Variants in SEC14L6 observed in about 807,000 individuals in gnomAD.
SEC14L6 encodes SEC14-like protein 6.
SEC14L6 carries 40 observed loss-of-function variants against 54.1 expected under a neutral mutation model. The observed-to-expected ratio is 0.74, with a 90% CI of 0.57 to 0.96. SEC14L6 has a LOEUF of 0.96. Among genes scored for constraint, SEC14L6 ranks in the 40% least tolerant of loss-of-function variants. The pLI, the probability that SEC14L6 is intolerant of heterozygous loss-of-function variation, is 0.00. For missense variants in SEC14L6, 471 were observed against 498.3 expected, an observed-to-expected ratio of 0.95 and a Z score of 0.52; for synonymous variants, 171 against 198.4, an observed-to-expected ratio of 0.86 and a Z score of 1.16.
At chr22:30,540,997 C>T (rs569767556) in intron 1 of SEC14L6, among the ~76,000 whole-genome samples, 210 of 144,172 alleles carry the variant, frequency 1.5e-3, no homozygotes, top group African/African-American at 4.8e-3. Context: ...CCAGCCTGGG[C>T]AACAGGGTGA....
At chr22:30,537,021 CAAA>C (rs11383409) in intron 2 of SEC14L6, among the ~76,000 whole-genome samples, 3 of 78,500 alleles carry the variant, frequency 3.8e-5, no homozygotes, top group Admixed American at 1.6e-4. Context: ...GACTCTGACT[CAAA>C]AAAAAAAAAA....
Position 30,534,025 on chromosome 22 carries a change from G to C in SEC14L6, c.145C>G (p.Leu49Val). The change falls in exon 3 of 12, where the codon CTG becomes GTG. Residue 49 changes from leucine to valine, a missense_variant. Coordinates refer to ENST00000402034, the MANE Select transcript of SEC14L6 (RefSeq NM_001193336.4). ...CTCAGCATGTCCTCTGATTTCTGCA[G>C]GTCAAAGCTCCGAGCTGCAACAAGA... is the stretch of plus-strand genomic sequence containing the variant. ...LRWLQARSFD[L>V]QKSEDMLRKH... 6.4e-7 allele frequency: 1 copy of C among 1,550,976 alleles called. No individual in the cohort carries two copies. Among genetic ancestry groups the C allele is most frequent in the East Asian group, 2.4e-5 (1 of 40,926 alleles).
chr22:30,540,773 C>A (rs1317963605), intron 1 of SEC14L6, among the ~76,000 whole-genome samples: 1 of 149,520 alleles, frequency 6.7e-6, no homozygotes, highest in African/African-American at 2.5e-5. Context: ...AATCCCAGAA[C>A]TTTGGGAGGC....
intron 2 of SEC14L6, among the ~76,000 whole-genome samples, chr22:30,537,388 G>A (rs1049414970): frequency 6.6e-6 from 1 of 152,230 alleles, no homozygotes; most frequent in African/African-American, 2.4e-5. Flanking sequence ...GCTGAGGGAG[G>A]TGGATTACTG....
intron 2 of SEC14L6, among the ~76,000 whole-genome samples, chr22:30,536,831 C>A (rs2085607048): frequency 6.6e-6 from 1 of 151,736 alleles, no homozygotes; most frequent in Non-Finnish European, 1.5e-5. Flanking sequence ...TCGAGACCAG[C>A]CTCGCTAACA....
intron 1 of SEC14L6, 108 bp downstream of exon 1, chr22:30,546,521 G>A (rs2146309929): frequency 9.9e-7 from 1 of 1,014,562 alleles, no homozygotes; most frequent in Non-Finnish European, 1.5e-6. Flanking sequence ...GTTGGGAAGA[G>A]ACCCAGAGCT....
At chr22:30,543,899 C>A (rs1221742954) in intron 1 of SEC14L6, 1 of 1,591,960 alleles carries the variant, frequency 6.3e-7, no homozygotes, top group African/African-American at 1.3e-5. Context: ...GCTCCCCGGG[C>A]CGCGGAGCCC....
chr22:30,530,004 A>G (rs963000091), intron 6 of SEC14L6, among the ~76,000 whole-genome samples: 1 of 152,254 alleles, frequency 6.6e-6, no homozygotes, highest in African/African-American at 2.4e-5. Context: ...CTTGCCAAGA[A>G]TAAGTCTACA....
Position 30,528,311 on chromosome 22 carries a change from C to T in SEC14L6, c.664+776G>A, listed in dbSNP as rs143512640. 8.1e-3 allele frequency among the ~76,000 whole-genome samples: 1,232 copies of T among 151,280 alleles called. 31 individuals are homozygous for T. In the East Asian group the frequency reaches 0.09, roughly 11 times the overall value. ...TAATTTTTTTTATTTTTAGTAGAGA[C>T]GGGGTTTCACCATATTGTCCAGGCT... On this transcript the variant is annotated intron_variant, in intron 8 of 11. Transcript: ENST00000402034.
chr22:30,543,213 G>T, intron 1 of SEC14L6: 1 of 1,603,478 alleles, frequency 6.2e-7, no homozygotes, highest in South Asian at 1.1e-5. Context: ...CAGCCAATGT[G>T]GTGCTGACCC....
chr22:30,532,415 C>A, intron 5 of SEC14L6, 110 bp downstream of exon 5: 1 of 1,336,186 alleles, frequency 7.5e-7, no homozygotes. Flanking sequence ...TCCACAGTAC[C>A]AGGAGGAGCC....
intron 2 of SEC14L6, among the ~76,000 whole-genome samples, chr22:30,535,895 T>TC (rs1459842416): frequency 6.7e-6 from 1 of 149,670 alleles, no homozygotes; most frequent in Non-Finnish European, 1.5e-5. Context: ...GTGTTTTTTT[T>TC]TTTTTTTTTT....
intron 1 of SEC14L6, among the ~76,000 whole-genome samples, chr22:30,541,410 A>G (rs1029765364): frequency 1.3e-5 from 2 of 152,128 alleles, no homozygotes; most frequent in African/African-American, 4.8e-5. Flanking sequence ...TGTAATCCCA[A>G]TACTTTGGGA....
At position 30,531,908 on chromosome 22, in the gene SEC14L6, G is replaced by T; in HGVS notation, c.514C>A (p.Gln172Lys). 1 of 1,550,274 alleles carries T rather than the reference G, an allele frequency of 6.5e-7. No homozygotes were observed. The highest frequency in any genetic ancestry group is 1.2e-5 in the South Asian group (1 of 84,036). ...DLWKPGIELL[Q>K]EFFSALEANY... Reference sequence around the variant, plus strand: ...CCCTGGCGGGGTCACCTCACCTCCTGGAGAAGCTCTATTCCTGGCTTCCAC... The same window carrying T: ...CCCTGGCGGGGTCACCTCACCTCCTTGAGAAGCTCTATTCCTGGCTTCCAC... Residue 172 changes from glutamine (Q) to lysine (K), a missense_variant, in exon 6 of 12, where the codon CAG (glutamine) becomes AAG (lysine). Transcript: ENST00000402034.
chr22:30,546,121 G>T (rs1275857783), intron 1 of SEC14L6, among the ~76,000 whole-genome samples: 1 of 151,632 alleles, frequency 6.6e-6, no homozygotes, highest in East Asian at 2.0e-4. Context: ...GGTGGCTCAT[G>T]CCTGTAATCC....
chr22:30,535,328 C>T (rs996196511), intron 2 of SEC14L6, among the ~76,000 whole-genome samples: 4 of 152,244 alleles, frequency 2.6e-5, no homozygotes, highest in Admixed American at 6.5e-5. Flanking sequence ...CATTGGCTCA[C>T]TGGCTTTGCA....
In SEC14L6 at chr22:30,525,385, T is replaced by G; in HGVS notation, c.1046A>C (p.Glu349Ala). The G allele has an allele frequency of 1.2e-6, 2 of 1,614,190 alleles. No individual in the cohort carries two copies. Among genetic ancestry groups the G allele is most frequent in the Non-Finnish European group, 1.7e-6 (2 of 1,180,020 alleles). ...CTGGAGGCAGGTGAGAATCCCATCT[T>G]CAGGCACCATGTGGGCATTGTAGCG... The part of the protein sequence containing the change: ...SQRYNAHMVP[E>A]DGILTCLQAG... Residue 349 changes from glutamate (E) to alanine (A), a missense_variant, in exon 11 of 12, where the codon GAA (glutamate) becomes GCA (alanine). Coordinates refer to ENST00000402034, the MANE Select transcript of SEC14L6 (RefSeq NM_001193336.4).
chr22:30,536,241 G>A (rs2085598179), intron 2 of SEC14L6, among the ~76,000 whole-genome samples: 1 of 152,176 alleles, frequency 6.6e-6, no homozygotes, highest in African/African-American at 2.4e-5. Flanking sequence ...ATTCATCACA[G>A]ATTAAGTATT....
At chr22:30,533,916 T>TG in intron 3 of SEC14L6, 80 bp downstream of exon 3, 2 of 1,258,726 alleles carry the variant, frequency 1.6e-6, no homozygotes, top group Non-Finnish European at 2.3e-6. Context: ...AATGGATGGA[T>TG]GAATGAATGA....
Sources: gnomAD v4.1 joint callset for allele counts (sites outside exome capture counted in the v4.1 genomes callset) on GRCh38, gnomAD v4.1.1 for gene constraint, MANE v1.5 for transcripts, NCBI Gene and HGNC (gene_info 2026-07-23, HGNC 2026-07-21) for gene names.